TCP11L2: variants seen among roughly 807,000 people sequenced by gnomAD.
TCP11L2 encodes the protein t-complex 11 like 2, also known as T-complex protein 11-like protein 2.
In TCP11L2, 39 loss-of-function variants were observed where a neutral mutation model predicts 50.7. That is an observed-to-expected ratio of 0.77 (90% CI 0.60 to 1.01). The LOEUF (loss-of-function observed/expected upper bound fraction) is 1.01. Ranked by LOEUF, TCP11L2 falls within the 50% of genes least tolerant of loss-of-function variation. The pLI, the probability that TCP11L2 is intolerant of heterozygous loss-of-function variation, is 0.00. For synonymous variants in TCP11L2, 192 were observed against 219.3 expected, an observed-to-expected ratio of 0.88 and a Z score of 1.10; for missense variants, 612 against 614.7, an observed-to-expected ratio of 1.00 and a Z score of 0.05.
In TCP11L2 at chr12:106,346,593, T is replaced by C. The variant is rs539626041; in HGVS notation, c.*63T>C. 1.5e-5 allele frequency: 24 copies of C among 1,551,096 alleles called. No homozygotes were observed. Among genetic ancestry groups the C allele is most frequent in the African/African-American group, 8.2e-5 (6 of 73,418 alleles). Reference sequence around the variant, plus strand: ...TACTTTGGTATCCAGTCCACTTCCATTGATGGCATTAGAGATCCAGCACAT... The same window carrying C: ...TACTTTGGTATCCAGTCCACTTCCACTGATGGCATTAGAGATCCAGCACAT... On this transcript the variant is annotated 3_prime_UTR_variant, in exon 10 of 10. Transcript: ENST00000299045.
intron 2 of TCP11L2, 39 bp downstream of exon 2, chr12:106,311,271 G>A (rs1056622913): frequency 6.9e-6 from 11 of 1,603,492 alleles, no homozygotes; most frequent in Admixed American, 5.1e-5. Context: ...GGTGGCAGGG[G>A]TACTTCTAGA....
intron 8 of TCP11L2, among the ~76,000 whole-genome samples, chr12:106,338,114 C>CT (rs1565860286): frequency 6.6e-6 from 1 of 152,150 alleles, no homozygotes; most frequent in South Asian, 2.1e-4. Context: ...GCTAAGACAA[C>CT]TTTTTTTGAA....
chr12:106,298,275 AT>A (rs979530624), upstream of TCP11L2, among the ~76,000 whole-genome samples: 5 of 151,960 alleles, frequency 3.3e-5, no homozygotes, highest in East Asian at 1.9e-4. Context: ...GGTGTGGTTA[AT>A]TTTTTTTAAT....
chr12:106,346,603 T>G lies in TCP11L2; in HGVS notation c.*73T>G, dbSNP rs1482116295. 1.3e-6 allele frequency: 2 copies of G among 1,536,490 alleles called. No homozygotes were observed. Among genetic ancestry groups the G allele is most frequent in the African/African-American group, 2.7e-5 (2 of 73,010 alleles). On this transcript the variant is annotated 3_prime_UTR_variant, in exon 10 of 10. Transcript: ENST00000299045. ...TCCAGTCCACTTCCATTGATGGCAT[T>G]AGAGATCCAGCACATTCTCAGTACT...
chr12:106,339,295 C>G (rs1452231051), intron 8 of TCP11L2, among the ~76,000 whole-genome samples: 1 of 152,208 alleles, frequency 6.6e-6, no homozygotes, highest in African/African-American at 2.4e-5. Context: ...TGAGAAGTAT[C>G]TGTTCATGTC....
intron 1 of TCP11L2, among the ~76,000 whole-genome samples, chr12:106,309,405 C>T (rs528162771): frequency 6.6e-6 from 1 of 152,058 alleles, no homozygotes; most frequent in Admixed American, 6.6e-5. Context: ...CTTCAGCCTG[C>T]ACAAGTGGAC....
At chr12:106,298,271 G>A (rs2034375345), upstream of TCP11L2, among the ~76,000 whole-genome samples, 1 of 152,080 alleles carries the variant, frequency 6.6e-6, no homozygotes, top group Admixed American at 6.5e-5. Context: ...AAAAGGTGTG[G>A]TTAATTTTTT....
chr12:106,300,399 G>T (rs964698587), upstream of TCP11L2, among the ~76,000 whole-genome samples: 3 of 152,098 alleles, frequency 2.0e-5, no homozygotes, highest in Non-Finnish European at 4.4e-5. Flanking sequence ...GCGTGATCTC[G>T]GCTCACTGCA....
rs369113872 is a variant in TCP11L2 at position 106,316,347 on chromosome 12, A to G, written c.293+1854A>G. ...ATGGTTTTCACTTACTCAGAGACCA[A>G]AAATCTAAGCATTTTCCTATGGCCT... On this transcript the variant is annotated intron_variant, in intron 3 of 9. Transcript: ENST00000299045. Among the ~76,000 whole-genome samples the G allele has an allele frequency of 1.1e-3, 160 of 152,296 alleles. 4 individuals are homozygous for G. The East Asian group carries it at 0.017, about 16-fold the overall frequency.
intron 9 of TCP11L2, among the ~76,000 whole-genome samples, chr12:106,342,305 G>A (rs1005672121): frequency 2.0e-5 from 3 of 152,222 alleles, no homozygotes; most frequent in Non-Finnish European, 4.4e-5. Flanking sequence ...GAAAGGAACA[G>A]TGTTGGTGTA....
At chr12:106,327,300 T>C (rs2035584989) in intron 6 of TCP11L2, among the ~76,000 whole-genome samples, 1 of 152,158 alleles carries the variant, frequency 6.6e-6, no homozygotes, top group South Asian at 2.1e-4. Flanking sequence ...CTCAAGGGAT[T>C]CTCCTGTCTC....
upstream of TCP11L2, among the ~76,000 whole-genome samples, chr12:106,302,323 C>CCCGCTCAGCCGCCGCTCAGCCG (rs71072666): frequency 8.9e-6 from 1 of 111,956 alleles, no homozygotes; most frequent in Non-Finnish European, 1.9e-5. Flanking sequence ...CCCCGCTCCC[C>CCCGCTCAGCCGCCGCTCAGCCG]CCGCTCAGCC....
rs534367149 is a variant in TCP11L2, at chr12:106,346,503, G to T, written c.1533G>T (p.Lys511Asn). The part of the protein sequence containing the change: ...KLLFNEEAMG[K>N]VDASPPTN Reference sequence around the variant, plus strand: ...TCTTCAATGAGGAAGCCATGGGGAAGGTAGATGCTTCACCTCCTACTAACT... The same window carrying T: ...TCTTCAATGAGGAAGCCATGGGGAATGTAGATGCTTCACCTCCTACTAACT... The change falls in exon 10 of 10, where the codon AAG becomes AAT. Residue 511 changes from lysine (K) to asparagine (N), a missense_variant. Lys to Asn is a moderately conservative substitution (Grantham distance 94, BLOSUM62 0). Transcript: ENST00000299045. 1.9e-6 allele frequency: 3 copies of T among 1,613,754 alleles called. No homozygotes were observed. Among genetic ancestry groups the T allele is most frequent in the South Asian group, 2.2e-5 (2 of 91,082 alleles).
upstream of TCP11L2, among the ~76,000 whole-genome samples, chr12:106,298,502 A>G (rs144584393): frequency 2.9e-3 from 445 of 152,054 alleles, 5 homozygotes; most frequent in African/African-American, 0.01. Context: ...TTTGAAAAAC[A>G]TTTTTTTTAA....
chr12:106,302,325 C>CT (rs2034440192), upstream of TCP11L2, among the ~76,000 whole-genome samples: 1 of 114,004 alleles, frequency 8.8e-6, no homozygotes, highest in Non-Finnish European at 1.9e-5. Context: ...CCGCTCCCCC[C>CT]GCTCAGCCCC....
chr12:106,306,846 G>A (rs755347971), intron 1 of TCP11L2, among the ~76,000 whole-genome samples: 1 of 152,152 alleles, frequency 6.6e-6, no homozygotes, highest in South Asian at 2.1e-4. Flanking sequence ...AAGAGGAGCC[G>A]GGATCAAGAA....
intron 3 of TCP11L2, among the ~76,000 whole-genome samples, chr12:106,316,396 C>T (rs1249150931): frequency 3.9e-5 from 6 of 152,140 alleles, no homozygotes; most frequent in Admixed American, 3.3e-4. Context: ...CCCCTGACCC[C>T]ATCTCAGTGC....
At chr12:106,317,369 A>T (rs2035130704) in intron 3 of TCP11L2, among the ~76,000 whole-genome samples, 1 of 152,182 alleles carries the variant, frequency 6.6e-6, no homozygotes, top group African/African-American at 2.4e-5. Flanking sequence ...TACAAAAATT[A>T]GCTGGGTGTG....
intron 5 of TCP11L2, among the ~76,000 whole-genome samples, chr12:106,322,405 G>C (rs1420796083): frequency 3.9e-5 from 6 of 152,152 alleles, no homozygotes; most frequent in African/African-American, 1.4e-4. Context: ...AGATTGAAAG[G>C]GGAGTTGAGA....
Sources: allele counts gnomAD v4.1 joint callset (sites outside exome capture counted in the v4.1 genomes callset), GRCh38; gene constraint gnomAD v4.1.1; transcripts MANE v1.5; gene names NCBI Gene and HGNC (gene_info 2026-07-23, HGNC 2026-07-21).